The following DISC1 variants were observed in gnomAD, a reference collection of about 807,000 sequenced individuals.
DISC1 encodes the protein DISC1 scaffold protein, also known as disrupted in schizophrenia 1 protein.
Under a neutral mutation model 84.5 loss-of-function variants are expected in DISC1, and 57 were observed. That is an observed-to-expected ratio of 0.67 (90% CI 0.55 to 0.84). The LOEUF (loss-of-function observed/expected upper bound fraction) is 0.84, where lower values mean the gene tolerates loss of function less well. DISC1 is among the 40% of genes least tolerant of loss of function. The pLI is 0.00. For synonymous variants in DISC1, 411 were observed against 415.2 expected (o/e 0.99, Z 0.12); for missense variants, 1,000 against 1,057.8 (o/e 0.95, Z 0.76).
At chr1:231,923,251 C>T (rs2090117518) in intron 9 of DISC1, among the ~76,000 whole-genome samples, 1 of 150,276 alleles carries the variant, frequency 6.7e-6, no homozygotes, top group Non-Finnish European at 1.5e-5. Context: ...CACGCCACTG[C>T]ACTCCAGCCT....
intron 9 of DISC1, among the ~76,000 whole-genome samples, chr1:231,933,705 C>A (rs533908461): frequency 2.0e-5 from 3 of 152,272 alleles, no homozygotes; most frequent in African/African-American, 7.2e-5. Context: ...AACCTGGCAT[C>A]TTTTAAAATT....
intron 8 of DISC1, among the ~76,000 whole-genome samples, chr1:231,809,224 G>A (rs796939822): frequency 1.2e-4 from 19 of 152,212 alleles, no homozygotes; most frequent in African/African-American, 2.4e-4. Context: ...TGTCATTCCC[G>A]TTACAGTCAC....
intron 4 of DISC1, among the ~76,000 whole-genome samples, chr1:231,764,732 C>G (rs891978745): frequency 3.3e-5 from 5 of 152,160 alleles, no homozygotes; most frequent in Non-Finnish European, 7.3e-5. Context: ...TATTTACATG[C>G]AATCAATACT....
At chr1:231,759,483 G>A (rs1022749722) in intron 4 of DISC1, among the ~76,000 whole-genome samples, 7 of 112,706 alleles carry the variant, frequency 6.2e-5, no homozygotes, top group Non-Finnish European at 9.9e-5. Context: ...GAGACCAAGA[G>A]TTTGAGACAA....
intron 10 of DISC1, among the ~76,000 whole-genome samples, chr1:231,985,021 A>G (rs919216400): frequency 1.3e-5 from 2 of 152,136 alleles, no homozygotes; most frequent in Non-Finnish European, 2.9e-5. Flanking sequence ...TTCTCTGTCT[A>G]TACAAGAAAA....
chr1:232,014,387 T>A (rs750744165), intron 11 of DISC1, among the ~76,000 whole-genome samples: 1 of 152,230 alleles, frequency 6.6e-6, no homozygotes, highest in East Asian at 1.9e-4. Context: ...GGTTTTGCTC[T>A]TTTTGTTTAA....
chr1:231,838,824 C>A (rs753088965), intron 9 of DISC1, among the ~76,000 whole-genome samples: 1 of 152,190 alleles, frequency 6.6e-6, no homozygotes, highest in Admixed American at 6.5e-5. Flanking sequence ...CACCGCCTGG[C>A]CTCTCATTCA....
intron 9 of DISC1, among the ~76,000 whole-genome samples, chr1:231,945,530 C>A (rs1341667652): frequency 2.0e-5 from 3 of 152,126 alleles, no homozygotes; most frequent in African/African-American, 4.8e-5. Context: ...AAAATTGACA[C>A]CCTAGCATCA....
At chr1:232,033,990 T>C (rs527835195) in intron 12 of DISC1, among the ~76,000 whole-genome samples, 1 of 152,296 alleles carries the variant, frequency 6.6e-6, no homozygotes, top group East Asian at 1.9e-4. Flanking sequence ...TACAATATGC[T>C]TTCCCCCACC....
intron 1 of DISC1, among the ~76,000 whole-genome samples, chr1:231,653,201 T>C (rs1399333649): frequency 6.6e-6 from 1 of 152,262 alleles, no homozygotes; most frequent in African/African-American, 2.4e-5. Context: ...TTTAAGGTGA[T>C]GCTAGTTCTA....
intron 10 of DISC1, among the ~76,000 whole-genome samples, chr1:231,969,870 A>G (rs1194103570): frequency 6.6e-6 from 1 of 151,442 alleles, no homozygotes; most frequent in African/African-American, 2.4e-5. Flanking sequence ...CGTCTTTGCG[A>G]TAGTTTGCTG....
chr1:231,750,975 T>G (rs1459159801), intron 4 of DISC1, among the ~76,000 whole-genome samples: 2 of 152,222 alleles, frequency 1.3e-5, no homozygotes, highest in African/African-American at 4.8e-5. Flanking sequence ...TCTTGATACC[T>G]CCCTGAAGCC....
At chr1:231,906,654 T>C (rs1176767096) in intron 9 of DISC1, among the ~76,000 whole-genome samples, 1 of 152,230 alleles carries the variant, frequency 6.6e-6, no homozygotes, top group Non-Finnish European at 1.5e-5. Context: ...TAAAGCTTTG[T>C]AACAGATTAA....
chr1:232,025,853 C>T (rs900721796), intron 11 of DISC1, among the ~76,000 whole-genome samples: 9 of 152,098 alleles, frequency 5.9e-5, no homozygotes, highest in African/African-American at 2.2e-4. Flanking sequence ...GCTTCGGCCT[C>T]CCAAAGTGCT....
intron 9 of DISC1, 111 bp from the exon 10 acceptor site, chr1:231,958,717 G>T (rs1034820954): frequency 1.9e-6 from 2 of 1,067,590 alleles, no homozygotes; most frequent in East Asian, 4.9e-5. Flanking sequence ...AGAATGTTAC[G>T]ATTACTAGTG....
chr1:231,895,284 A>G (rs988507283), intron 9 of DISC1, among the ~76,000 whole-genome samples: 1 of 151,708 alleles, frequency 6.6e-6, no homozygotes, highest in Non-Finnish European at 1.5e-5. Flanking sequence ...ATGTGTAAGT[A>G]TATCTAATGA....
intron 10 of DISC1, among the ~76,000 whole-genome samples, chr1:231,992,253 C>G (rs1197705742): frequency 6.6e-6 from 1 of 152,152 alleles, no homozygotes; most frequent in Non-Finnish European, 1.5e-5. Flanking sequence ...ACTCTCAGAC[C>G]TTTGTCTCCG....
intron 10 of DISC1, among the ~76,000 whole-genome samples, chr1:231,988,496 G>A (rs932037900): frequency 2.6e-5 from 4 of 152,182 alleles, no homozygotes; most frequent in Non-Finnish European, 4.4e-5. Flanking sequence ...ATTAGGTCAC[G>A]AGGGTGGAGC....
At chr1:231,907,131 C>CTCTTTCTTTCTTTCTT (rs1258067740) in intron 9 of DISC1, among the ~76,000 whole-genome samples, 1,578 of 93,164 alleles carry the variant, frequency 0.017, 60 homozygotes, top group East Asian at 0.093. Context: ...TCCTTCCTTC[C>CTCTTTCTTTCTTTCTT]TCTTTCTTTC....
Sources: allele counts gnomAD v4.1 joint callset (sites outside exome capture counted in the v4.1 genomes callset), GRCh38; gene constraint gnomAD v4.1.1; transcripts MANE v1.5; gene names NCBI Gene and HGNC (gene_info 2026-07-23, HGNC 2026-07-21).